VAV2: variants seen among roughly 807,000 people sequenced by gnomAD.
VAV2 encodes guanine nucleotide exchange factor VAV2.
Under a neutral mutation model 132.5 loss-of-function variants are expected in VAV2, and 67 were observed. The observed-to-expected ratio is 0.51, with a 90% confidence interval of 0.42 to 0.62. VAV2 has a LOEUF of 0.62. VAV2 is among the 20% of genes least tolerant of loss of function. The pLI is 0.00. For missense variants in VAV2, 938 were observed against 1,153.6 expected (o/e 0.81, Z 2.71); for synonymous variants, 492 against 443.5 (o/e 1.11, Z -1.37).
chr9:133,797,650 T>C, intron 10 of VAV2, 60 bp downstream of exon 10: 2 of 1,484,592 alleles, frequency 1.3e-6, no homozygotes, highest in Non-Finnish European at 1.8e-6. Flanking sequence ...CCTAACGAGC[T>C]CTGGCCTGCA....
chr9:133,916,876 T>C (rs977280123), intron 2 of VAV2, among the ~76,000 whole-genome samples: 1 of 152,184 alleles, frequency 6.6e-6, no homozygotes, highest in African/African-American at 2.4e-5. Flanking sequence ...GCTCTGCCAT[T>C]GTCTGTGTGA....
chr9:133,932,895 G>A (rs377157240), intron 2 of VAV2, among the ~76,000 whole-genome samples: 116 of 152,384 alleles, frequency 7.6e-4, no homozygotes, highest in African/African-American at 2.5e-3. Flanking sequence ...GCAGGGGCCA[G>A]GAGCAGAGGG....
chr9:133,862,054 G>A (rs538593090), intron 2 of VAV2, among the ~76,000 whole-genome samples: 13 of 152,370 alleles, frequency 8.5e-5, no homozygotes, highest in South Asian at 2.1e-4. Flanking sequence ...GTGGCATGAC[G>A]GGATCTCTCC....
chr9:133,845,648 C>A (rs556360730), intron 3 of VAV2, among the ~76,000 whole-genome samples: 3 of 152,288 alleles, frequency 2.0e-5, no homozygotes, highest in East Asian at 3.9e-4. Context: ...GTTGGAGGAT[C>A]GGCTGTGACA....
intron 2 of VAV2, among the ~76,000 whole-genome samples, chr9:133,899,523 C>T (rs1839355556): frequency 6.6e-6 from 1 of 151,828 alleles, no homozygotes; most frequent in African/African-American, 2.4e-5. Flanking sequence ...ATTCTCATGC[C>T]TTAGCCTCCC....
In VAV2 at chr9:133,818,444, G is replaced by A. The variant is rs138896223; in HGVS notation, c.450-6228C>T. 8.2e-3 allele frequency among the ~76,000 whole-genome samples: 1,238 copies of A among 151,406 alleles called. 8 individuals carry two copies. The highest frequency in any genetic ancestry group is 0.013 in the Non-Finnish European group (895 of 67,940). On this transcript the variant is annotated intron_variant, in intron 4 of 29. Transcript: ENST00000371850. ...CCACCGTCTCCTGCCCTCAGACATC[G>A]GAACTCCTCCTGGGTGTCAGATCTT...
chr9:133,776,090 G>A lies in VAV2; in HGVS notation c.1966-10C>T. 2 of 1,612,682 alleles carry A rather than the reference G, an allele frequency of 1.2e-6. No homozygotes were observed. The highest frequency in any genetic ancestry group is 1.7e-6 in the Non-Finnish European group (2 of 1,179,704). ...GCCGGCTGATGGGCGGCTGGTGGCAGAGCACAAGAGTGTTAACGGCCCCCC... is the reference window on the plus strand; with the variant it reads ...GCCGGCTGATGGGCGGCTGGTGGCAAAGCACAAGAGTGTTAACGGCCCCCC... On this transcript the variant is annotated splice_polypyrimidine_tract_variant and intron_variant, in intron 23 of 29. Coordinates refer to ENST00000371850, the MANE Select transcript of VAV2 (RefSeq NM_001134398.2).
intron 2 of VAV2, among the ~76,000 whole-genome samples, chr9:133,920,377 C>G (rs1164271718): frequency 6.6e-6 from 1 of 152,238 alleles, no homozygotes; most frequent in Non-Finnish European, 1.5e-5. Context: ...TGTGCCTCTC[C>G]CTGCAGGCTG....
chr9:133,975,875 C>A (rs1475800319), intron 1 of VAV2, among the ~76,000 whole-genome samples: 2 of 152,206 alleles, frequency 1.3e-5, no homozygotes, highest in Non-Finnish European at 2.9e-5. Flanking sequence ...AACCCTCCCA[C>A]ACTTCTTCTC....
At chr9:133,815,486 C>T (rs918632957) in intron 4 of VAV2, among the ~76,000 whole-genome samples, 1 of 152,134 alleles carries the variant, frequency 6.6e-6, no homozygotes, top group African/African-American at 2.4e-5. Flanking sequence ...GAGCAACCAC[C>T]CTTCTGACTG....
chr9:133,797,455 G>A (rs1834763385), intron 10 of VAV2, among the ~76,000 whole-genome samples: 1 of 152,200 alleles, frequency 6.6e-6, no homozygotes, highest in African/African-American at 2.4e-5. Flanking sequence ...CCCCAGCTGA[G>A]TCAGATTCAG....
At chr9:133,983,147 G>A (rs540707563) in intron 1 of VAV2, among the ~76,000 whole-genome samples, 45 of 152,286 alleles carry the variant, frequency 3.0e-4, no homozygotes, top group Admixed American at 2.2e-3. Context: ...CATAAAGCCA[G>A]GGTCTTCCAC....
At position 133,778,781 on chromosome 9, in the gene VAV2, G is replaced by C; in HGVS notation, c.1871C>G (p.Pro624Arg). The C allele has an allele frequency of 6.2e-7, 1 of 1,612,884 alleles. No homozygotes were observed. Residue 624 changes from proline to arginine, a missense_variant, in exon 22 of 30, where the codon CCT becomes CGT. Physicochemically the swap from Pro to Arg is moderately radical, Grantham distance 103 (BLOSUM62 -2). Transcript: ENST00000371850. ...GDVLELLRGDPESPWWEGRLV... is the reference protein window; with the variant it reads ...GDVLELLRGDRESPWWEGRLV... ...ACCCACCTCCCACCACGGAGACTCA[G>C]GGTCGCCCCTCAGCAGCTCAAGCAC...
chr9:133,808,328 G>A (rs1469113791), intron 7 of VAV2, among the ~76,000 whole-genome samples: 1 of 152,232 alleles, frequency 6.6e-6, no homozygotes, highest in East Asian at 1.9e-4. Flanking sequence ...GCCCAAGGGG[G>A]CAGCCCAGGT....
chr9:133,795,590 T>C, intron 12 of VAV2, 78 bp downstream of exon 12: 1 of 1,556,220 alleles, frequency 6.4e-7, no homozygotes, highest in East Asian at 2.3e-5. Context: ...TGAGGCTCGT[T>C]AATGAGCCCA....
intron 2 of VAV2, among the ~76,000 whole-genome samples, chr9:133,872,673 G>C (rs1055258572): frequency 6.6e-6 from 1 of 152,046 alleles, no homozygotes; most frequent in East Asian, 1.9e-4. Context: ...AGTGGGCCCA[G>C]GTGGCCTCCT....
At chr9:133,765,901 C>T (rs925723981) in intron 29 of VAV2, among the ~76,000 whole-genome samples, 1 of 151,926 alleles carries the variant, frequency 6.6e-6, no homozygotes, top group Non-Finnish European at 1.5e-5. Context: ...GTTACTGACA[C>T]TTTTAAGTTG....
In VAV2 at chr9:133,943,982, G is replaced by A. The variant is rs1024258269; in HGVS notation, c.205-4763C>T. On this transcript the variant is annotated intron_variant, in intron 1 of 29. Coordinates refer to ENST00000371850, the MANE Select transcript of VAV2 (RefSeq NM_001134398.2). ...CAAGGCGCCAGGGCGGGGTGTCACAGACAGGAGAGGCGGCGCAGGGCCGGA... is the reference window on the plus strand; with the variant it reads ...CAAGGCGCCAGGGCGGGGTGTCACAAACAGGAGAGGCGGCGCAGGGCCGGA... Among the ~76,000 whole-genome samples, 95 of 152,234 alleles carry A rather than the reference G, an allele frequency of 6.2e-4. 5 individuals are homozygous for A. The highest frequency in any genetic ancestry group is 5.9e-5 in the Non-Finnish European group (4 of 68,042).
intron 3 of VAV2, among the ~76,000 whole-genome samples, chr9:133,836,957 G>T (rs754945214): frequency 1.1e-4 from 17 of 152,172 alleles, no homozygotes; most frequent in Non-Finnish European, 2.1e-4. Context: ...TCAGTCCTGG[G>T]ACTCAGACAG....
Sources: gnomAD v4.1 joint callset for allele counts (sites outside exome capture counted in the v4.1 genomes callset) on GRCh38, gnomAD v4.1.1 for gene constraint, MANE v1.5 for transcripts, NCBI Gene and HGNC (gene_info 2026-07-23, HGNC 2026-07-21) for gene names.